Variants in DLG2 observed in about 807,000 individuals in gnomAD.
DLG2 encodes discs large MAGUK scaffold protein 2.
DLG2 carries 45 observed loss-of-function variants against 132.5 expected under a neutral mutation model. The ratio of observed to expected loss-of-function variants is 0.34; its 90% confidence interval spans 0.27 to 0.44. The LOEUF (loss-of-function observed/expected upper bound fraction) is 0.44, where lower values mean the gene tolerates loss of function less well. DLG2 is among the 20% of genes least tolerant of loss of function. The probability of loss-of-function intolerance (pLI) is 1.00; values close to 1 mark genes in which losing one functional copy is unlikely to be tolerated. For synonymous variants in DLG2, 424 were observed against 419.6 expected (o/e 1.01, Z -0.13); for missense variants, 1,045 against 1,196.9 (o/e 0.87, Z 1.87).
intron 6 of DLG2, among the ~76,000 whole-genome samples, chr11:84,626,138 C>T (rs917991543): frequency 6.6e-6 from 1 of 152,106 alleles, no homozygotes; most frequent in African/African-American, 2.4e-5. Flanking sequence ...AGGCGTGTTG[C>T]CCCTGCATTA....
intron 3 of DLG2, among the ~76,000 whole-genome samples, chr11:85,440,565 G>A (rs2091728495): frequency 1.3e-5 from 2 of 152,148 alleles, no homozygotes; most frequent in Non-Finnish European, 2.9e-5. Flanking sequence ...TACTTTAATA[G>A]TTCACAAGTG....
At chr11:84,309,251 C>T (rs2098263911) in intron 7 of DLG2, among the ~76,000 whole-genome samples, 3 of 152,282 alleles carry the variant, frequency 2.0e-5, no homozygotes, top group African/African-American at 4.8e-5. Context: ...CTCCTCTCTC[C>T]GTCTGTCCTT....
chr11:83,619,870 C>T (rs2061371329), intron 19 of DLG2, among the ~76,000 whole-genome samples: 1 of 125,416 alleles, frequency 8.0e-6, no homozygotes, highest in Non-Finnish European at 1.7e-5. Flanking sequence ...CCTAGGAACC[C>T]TCATTAACAG....
chr11:84,025,613 C>T (rs2095517354), intron 11 of DLG2, among the ~76,000 whole-genome samples: 1 of 152,110 alleles, frequency 6.6e-6, no homozygotes, highest in African/African-American at 2.4e-5. Context: ...GAATATTCTT[C>T]TAGAAACATG....
At chr11:84,989,263 A>AC (rs1327052416) in intron 6 of DLG2, among the ~76,000 whole-genome samples, 1 of 151,802 alleles carries the variant, frequency 6.6e-6, no homozygotes, top group Non-Finnish European at 1.5e-5. Context: ...GCAACCTCTG[A>AC]CCCCCAGGTT....
intron 10 of DLG2, among the ~76,000 whole-genome samples, chr11:84,087,234 G>C (rs1198515711): frequency 6.6e-6 from 1 of 152,166 alleles, no homozygotes; most frequent in Non-Finnish European, 1.5e-5. Flanking sequence ...CTGCCAGACT[G>C]TTTTCTAAAG....
At chr11:84,031,548 C>G (rs2095692161) in intron 11 of DLG2, among the ~76,000 whole-genome samples, 1 of 152,058 alleles carries the variant, frequency 6.6e-6, no homozygotes, top group African/African-American at 2.4e-5. Context: ...TCTGCTTTTA[C>G]CTTACTAAGT....
At chr11:84,572,085 T>C (rs780057085) in intron 6 of DLG2, among the ~76,000 whole-genome samples, 1 of 152,034 alleles carries the variant, frequency 6.6e-6, no homozygotes, top group Non-Finnish European at 1.5e-5. Context: ...ATTATTATTA[T>C]ACTTTAAGTT....
intron 4 of DLG2, among the ~76,000 whole-genome samples, chr11:85,205,101 GAATT>G (rs907710523): frequency 3.3e-5 from 5 of 149,448 alleles, no homozygotes; most frequent in Non-Finnish European, 7.4e-5. Flanking sequence ...GTCCATCAGT[GAATT>G]AATGGATAAA....
intron 6 of DLG2, among the ~76,000 whole-genome samples, chr11:84,828,631 A>G (rs1357923450): frequency 6.6e-6 from 1 of 151,796 alleles, no homozygotes; most frequent in African/African-American, 2.4e-5. Flanking sequence ...AGCCAAAAGA[A>G]TTCTCCTTTG....
intron 7 of DLG2, among the ~76,000 whole-genome samples, chr11:84,367,108 A>C (rs548282015): frequency 6.6e-6 from 1 of 152,282 alleles, no homozygotes; most frequent in African/African-American, 2.4e-5. Context: ...AATTATAACA[A>C]ACTATCTCTC....
chr11:83,923,829 G>A (rs562781458), intron 15 of DLG2, among the ~76,000 whole-genome samples: 2 of 152,118 alleles, frequency 1.3e-5, no homozygotes, highest in African/African-American at 4.8e-5. Context: ...GTGGCAGAGT[G>A]ATCTTTTTAA....
At chr11:83,913,404 C>G (rs904432255) in intron 15 of DLG2, among the ~76,000 whole-genome samples, 2 of 152,010 alleles carry the variant, frequency 1.3e-5, no homozygotes, top group African/African-American at 4.8e-5. Flanking sequence ...TCAATACTTT[C>G]CAGGCACATT....
At chr11:85,608,166 T>C (rs1452886185) in intron 2 of DLG2, among the ~76,000 whole-genome samples, 1 of 152,116 alleles carries the variant, frequency 6.6e-6, no homozygotes, top group Non-Finnish European at 1.5e-5. Flanking sequence ...CGTTGTGGGT[T>C]CTTGGGCATG....
chr11:83,752,099 T>C (rs1217595664), intron 18 of DLG2, among the ~76,000 whole-genome samples: 1 of 152,096 alleles, frequency 6.6e-6, no homozygotes, highest in Non-Finnish European at 1.5e-5. Context: ...AAACCCCGTC[T>C]CTACTAAAAA....
intron 3 of DLG2, among the ~76,000 whole-genome samples, chr11:85,509,688 C>A (rs967213889): frequency 1.3e-5 from 2 of 151,994 alleles, no homozygotes; most frequent in Admixed American, 6.6e-5. Context: ...TTACTGCATA[C>A]CTGCCATGAG....
chr11:84,266,074 ATAAC>A (rs2097626863), intron 7 of DLG2, among the ~76,000 whole-genome samples: 1 of 152,168 alleles, frequency 6.6e-6, no homozygotes, highest in Admixed American at 6.6e-5. Context: ...CTATTGTACA[ATAAC>A]TATATCAGTG....
intron 3 of DLG2, among the ~76,000 whole-genome samples, chr11:85,591,697 A>AAG (rs1158722097): frequency 3.9e-5 from 6 of 152,200 alleles, no homozygotes; most frequent in Non-Finnish European, 5.9e-5. Flanking sequence ...GCCAAAGATC[A>AAG]AGCCACTGCA....
intron 6 of DLG2, among the ~76,000 whole-genome samples, chr11:84,568,715 T>G (rs2099468058): frequency 6.6e-6 from 1 of 152,074 alleles, no homozygotes; most frequent in South Asian, 2.1e-4. Context: ...GGTGCTAGAT[T>G]GGCTTAACCT....
Sources: allele counts gnomAD v4.1 joint callset (sites outside exome capture counted in the v4.1 genomes callset), GRCh38; gene constraint gnomAD v4.1.1; transcripts MANE v1.5; gene names NCBI Gene and HGNC (gene_info 2026-07-23, HGNC 2026-07-21).